The following RBFOX1 variants were observed in gnomAD, a reference collection of about 807,000 sequenced individuals.
RBFOX1 encodes the protein RNA binding protein fox-1 homolog 1.
In RBFOX1, 8 loss-of-function variants were observed where a neutral mutation model predicts 57.7. That is an observed-to-expected ratio of 0.14 (90% confidence interval 0.08 to 0.25). RBFOX1 has a LOEUF of 0.25. RBFOX1 is among the 10% of genes least tolerant of loss of function. The pLI is 1.00. For missense variants in RBFOX1, 611 were observed against 548.5 expected (o/e 1.11, Z -1.14); for synonymous variants, 326 against 222.4 (o/e 1.47, Z -4.15).
At chr16:6,824,678 C>G (rs898828201) in intron 3 of RBFOX1, among the ~76,000 whole-genome samples, 1 of 152,104 alleles carries the variant, frequency 6.6e-6, no homozygotes, top group Non-Finnish European at 1.5e-5. Flanking sequence ...CACTCACTAC[C>G]TTGAAATAAT....
rs2096261741 is a variant in RBFOX1, at chr16:6,097,682, C to T, written c.-127+77690C>T. 1.3e-5 allele frequency among the ~76,000 whole-genome samples: 2 copies of T among 151,852 alleles called. No homozygotes were observed. The highest frequency in any genetic ancestry group is 2.4e-5 in the African/African-American group (1 of 41,350). On this transcript the variant is annotated intron_variant, in intron 1 of 15. Transcript: ENST00000550418. This position sits in a 1 kb window ranked among gnomAD's most constrained non-coding sequence, Gnocchi z 5.0. Reference sequence around the variant, plus strand: ...ATAAGTGTCTAAGCTAGGATTTGACCCTAGGGCTTGTGAATCTGGAGCCCA... The same window carrying T: ...ATAAGTGTCTAAGCTAGGATTTGACTCTAGGGCTTGTGAATCTGGAGCCCA...
intron 4 of RBFOX1, among the ~76,000 whole-genome samples, chr16:7,372,848 A>G (rs2097594017): frequency 1.3e-5 from 2 of 152,064 alleles, no homozygotes; most frequent in South Asian, 2.1e-4. Flanking sequence ...ACTCAAATAT[A>G]CGAAGAATAT....
At chr16:6,926,669 T>A (rs2075644798) in intron 3 of RBFOX1, among the ~76,000 whole-genome samples, 1 of 152,116 alleles carries the variant, frequency 6.6e-6, no homozygotes, top group African/African-American at 2.4e-5. Context: ...TAAACATATG[T>A]GCATGGTTAA....
At chr16:7,324,965 G>A (rs773476024) in intron 4 of RBFOX1, among the ~76,000 whole-genome samples, 37 of 152,248 alleles carry the variant, frequency 2.4e-4, no homozygotes, top group Non-Finnish European at 5.1e-4. Context: ...CCTATCCTTT[G>A]TTAATTCCTG....
chr16:6,826,275 G>A (rs1567431439), intron 3 of RBFOX1, among the ~76,000 whole-genome samples: 1 of 152,140 alleles, frequency 6.6e-6, no homozygotes, highest in Non-Finnish European at 1.5e-5. Context: ...ACTTTGGGGA[G>A]GCCGAAGCGA....
At chr16:6,687,100 T>C (rs1311274286) in intron 3 of RBFOX1, among the ~76,000 whole-genome samples, 2 of 152,200 alleles carry the variant, frequency 1.3e-5, no homozygotes, top group Admixed American at 6.5e-5. Context: ...CACTTACAGA[T>C]GAAGGGCTTT....
chr16:6,093,714 T>A (rs1162937019), intron 1 of RBFOX1, among the ~76,000 whole-genome samples: 2 of 152,034 alleles, frequency 1.3e-5, no homozygotes, highest in Non-Finnish European at 2.9e-5. Context: ...CTTAACCTCC[T>A]AGGCTCAAGC....
At chr16:6,732,342 A>G (rs1339435876) in intron 3 of RBFOX1, among the ~76,000 whole-genome samples, 2 of 152,168 alleles carry the variant, frequency 1.3e-5, no homozygotes, top group Non-Finnish European at 2.9e-5. Flanking sequence ...CTCACGAGAG[A>G]GTGAGTCTCT....
At chr16:7,480,226 G>C (rs1171399383) in intron 4 of RBFOX1, among the ~76,000 whole-genome samples, 1 of 152,182 alleles carries the variant, frequency 6.6e-6, no homozygotes, top group Admixed American at 6.5e-5. Context: ...TCTGCCTGCA[G>C]CACTGGGCCT....
At chr16:5,970,758 A>G (rs2059946133) in intron 4 of RBFOX1, among the ~76,000 whole-genome samples, 1 of 152,200 alleles carries the variant, frequency 6.6e-6, no homozygotes, top group South Asian at 2.1e-4. Flanking sequence ...ACTGACATCA[A>G]AATCATGAAG....
At chr16:5,905,583 C>G (rs2058437512) in intron 4 of RBFOX1, among the ~76,000 whole-genome samples, 1 of 152,086 alleles carries the variant, frequency 6.6e-6, no homozygotes. Context: ...TGTGGTGGTA[C>G]ACATCTGCCG....
intron 4 of RBFOX1, among the ~76,000 whole-genome samples, chr16:7,441,483 G>A (rs9922939): frequency 6.6e-6 from 1 of 152,068 alleles, no homozygotes; most frequent in Non-Finnish European, 1.5e-5. Context: ...AGCGTCACTG[G>A]GTAGTGGTAA....
intron 3 of RBFOX1, among the ~76,000 whole-genome samples, chr16:7,021,746 C>G (rs1012248071): frequency 6.6e-6 from 1 of 150,518 alleles, no homozygotes; most frequent in African/African-American, 2.4e-5. Context: ...ACCCTAAAAA[C>G]AAGAGTAACA....
At chr16:5,401,523 G>A (rs1037674264) in intron 1 of RBFOX1, among the ~76,000 whole-genome samples, 1 of 152,100 alleles carries the variant, frequency 6.6e-6, no homozygotes, top group Non-Finnish European at 1.5e-5. Context: ...GCTTCTGAAG[G>A]ATTCTTGTCT....
chr16:7,442,981 A>G (rs998450562), intron 4 of RBFOX1, among the ~76,000 whole-genome samples: 9 of 152,192 alleles, frequency 5.9e-5, no homozygotes, highest in African/African-American at 2.2e-4. Flanking sequence ...CCTTTCTCCC[A>G]TAGTGCACTG....
At chr16:5,937,202 C>G (rs1318177989) in intron 4 of RBFOX1, among the ~76,000 whole-genome samples, 1 of 152,162 alleles carries the variant, frequency 6.6e-6, no homozygotes, top group Non-Finnish European at 1.5e-5. Context: ...TGGACTATCT[C>G]TTTATGGAAA....
At chr16:5,618,911 C>G (rs2048124311) in intron 3 of RBFOX1, among the ~76,000 whole-genome samples, 2 of 152,166 alleles carry the variant, frequency 1.3e-5, no homozygotes, top group South Asian at 4.1e-4. Context: ...ATCATGGGAT[C>G]TGGAGAGCTC....
chr16:6,319,508 A>T (rs1357126911), intron 2 of RBFOX1, among the ~76,000 whole-genome samples: 2 of 152,188 alleles, frequency 1.3e-5, no homozygotes, highest in Non-Finnish European at 2.9e-5. Flanking sequence ...CTCCTGATGG[A>T]GTATTGTGTA....
intron 3 of RBFOX1, among the ~76,000 whole-genome samples, chr16:6,859,169 ATATATGTATATATATG>A (rs2058531933): frequency 1.4e-5 from 1 of 72,376 alleles, no homozygotes; most frequent in African/African-American, 7.1e-5. Flanking sequence ...ATATACGTAT[ATATATGTATATATATG>A]TATATATATA....
Sources: gnomAD v4.1 joint callset for allele counts (sites outside exome capture counted in the v4.1 genomes callset) on GRCh38, gnomAD v4.1.1 for gene constraint, Gnocchi (gnomAD v3.1) non-coding constraint, MANE v1.5 for transcripts, NCBI Gene and HGNC (gene_info 2026-07-23, HGNC 2026-07-21) for gene names.